Variants in CTNNA2 observed in about 807,000 individuals in gnomAD.
The protein encoded by CTNNA2 is catenin alpha 2, also known as catenin alpha-2.
A neutral mutation model predicts 101.0 loss-of-function variants in CTNNA2; 42 were observed. The ratio of observed to expected loss-of-function variants is 0.42; its 90% CI spans 0.32 to 0.54. The LOEUF is 0.54. CTNNA2 is among the 20% of genes least tolerant of loss of function. The pLI, the probability that CTNNA2 is intolerant of heterozygous loss-of-function variation, is 0.14. For missense variants in CTNNA2, 871 were observed against 1,223.1 expected, an observed-to-expected ratio of 0.71 and a Z score of 4.29; for synonymous variants, 450 against 456.4, an observed-to-expected ratio of 0.99 and a Z score of 0.18.
At chr2:79,608,123 G>A (rs957645640) in intron 1 of CTNNA2, among the ~76,000 whole-genome samples, 2 of 151,956 alleles carry the variant, frequency 1.3e-5, no homozygotes, top group African/African-American at 4.8e-5. Flanking sequence ...AAGGATAATA[G>A]AATATTTTGA....
intron 7 of CTNNA2, among the ~76,000 whole-genome samples, chr2:80,008,072 G>A (rs1422176270): frequency 6.6e-6 from 1 of 152,138 alleles, no homozygotes; most frequent in African/African-American, 2.4e-5. Context: ...GGGGCTCTAT[G>A]ACCCAGATCT....
chr2:80,645,105 C>T (rs1673925429), intron 18 of CTNNA2, among the ~76,000 whole-genome samples: 1 of 152,174 alleles, frequency 6.6e-6, no homozygotes, highest in African/African-American at 2.4e-5. Flanking sequence ...TCTACTAATT[C>T]TGTTGCCCAA....
At chr2:80,594,419 C>G (rs1397260950) in intron 15 of CTNNA2, among the ~76,000 whole-genome samples, 1 of 151,950 alleles carries the variant, frequency 6.6e-6, no homozygotes, top group East Asian at 1.9e-4. Flanking sequence ...TTACAAATTC[C>G]TGATAAAGAA....
At chr2:79,527,108 G>A (rs954424715) in intron 1 of CTNNA2, among the ~76,000 whole-genome samples, 3 of 152,038 alleles carry the variant, frequency 2.0e-5, no homozygotes, top group African/African-American at 4.8e-5. Flanking sequence ...AATCATATCA[G>A]TAAGAATCTA....
At chr2:80,046,092 A>T (rs890614047) in intron 7 of CTNNA2, among the ~76,000 whole-genome samples, 3 of 152,172 alleles carry the variant, frequency 2.0e-5, no homozygotes, top group Non-Finnish European at 4.4e-5. Flanking sequence ...TTTCCTCTGC[A>T]TTCTTATTTC....
At chr2:79,384,305 T>C (rs566390394) in intron 4 of CTNNA2, among the ~76,000 whole-genome samples, 1 of 152,140 alleles carries the variant, frequency 6.6e-6, no homozygotes, top group South Asian at 2.1e-4. Context: ...CAGGAAAATT[T>C]GGTTTTCATT....
rs1374818695 is a variant in CTNNA2 at position 79,656,090 on chromosome 2, T to C, written c.102+4432T>C. On this transcript the variant is annotated intron_variant, in intron 2 of 18. Transcript: ENST00000402739. ...TATATTTCCTCCTAGTATTCCATAC[T>C]GATTTAAAAAAATTAAATATGTGAA... 5.3e-5 allele frequency among the ~76,000 whole-genome samples: 8 copies of C among 152,292 alleles called. No individual in the cohort carries two copies. The East Asian group carries it at 1.5e-3, about 29-fold the overall frequency.
intron 7 of CTNNA2, among the ~76,000 whole-genome samples, chr2:80,005,871 C>T (rs395047): frequency 0.62 from 94,439 of 151,702 alleles, 30,534 homozygotes; most frequent in East Asian, 0.76. Flanking sequence ...GAGTGTAATA[C>T]AATATTGAGA....
At chr2:80,092,421 T>C (rs1051100368) in intron 7 of CTNNA2, among the ~76,000 whole-genome samples, 1 of 152,108 alleles carries the variant, frequency 6.6e-6, no homozygotes, top group Non-Finnish European at 1.5e-5. Flanking sequence ...TCCCTGTATC[T>C]TGAAGCTTTC....
Position 79,544,083 on chromosome 2 carries a change from G to A in CTNNA2, c.-6+30876G>A, listed in dbSNP as rs371424327. Among the ~76,000 whole-genome samples, 208 of 152,146 alleles carry A rather than the reference G, an allele frequency of 1.4e-3. 3 individuals are homozygous for A. The South Asian group carries it at 0.028, about 20-fold the overall frequency. ...CTCCTGAGTAGCTGAGACTACAGGC[G>A]TGCGCCACCACACTGGGCTAATTTT... On this transcript the variant is annotated intron_variant, in intron 1 of 18. Coordinates refer to ENST00000402739, the MANE Select transcript of CTNNA2 (RefSeq NM_001282597.3).
At chr2:79,443,284 G>A (rs1210286130) in intron 4 of CTNNA2, among the ~76,000 whole-genome samples, 1 of 152,104 alleles carries the variant, frequency 6.6e-6, no homozygotes. Flanking sequence ...GGGAGTCTAT[G>A]GTGTGAGTCC....
At chr2:79,948,127 T>C (rs1434104) in intron 7 of CTNNA2, among the ~76,000 whole-genome samples, 76,425 of 151,742 alleles carry the variant, frequency 0.5, 19,818 homozygotes, top group Middle Eastern at 0.58. Flanking sequence ...AGAGGACTTA[T>C]AGTTATTTCC....
At chr2:79,350,749 CACAA>C (rs1451638057) in intron 3 of CTNNA2, among the ~76,000 whole-genome samples, 1 of 152,188 alleles carries the variant, frequency 6.6e-6, no homozygotes. Flanking sequence ...TTTACATTCT[CACAA>C]ACAGTGTATA....
intron 1 of CTNNA2, among the ~76,000 whole-genome samples, chr2:79,519,303 C>A (rs955154468): frequency 6.6e-6 from 1 of 150,940 alleles, no homozygotes; most frequent in Admixed American, 6.6e-5. Context: ...TGCACTTATG[C>A]CTTTCATGTA....
chr2:80,155,174 G>T (rs1441851248), intron 7 of CTNNA2, among the ~76,000 whole-genome samples: 1 of 152,166 alleles, frequency 6.6e-6, no homozygotes, highest in Non-Finnish European at 1.5e-5. Context: ...AATGTGATTA[G>T]AAAAGAAACA....
At chr2:79,700,557 C>T (rs1684936430) in intron 2 of CTNNA2, among the ~76,000 whole-genome samples, 1 of 152,086 alleles carries the variant, frequency 6.6e-6, no homozygotes, top group South Asian at 2.1e-4. Context: ...CCTGCCTGCC[C>T]TCCTTAGAAT....
intron 7 of CTNNA2, among the ~76,000 whole-genome samples, chr2:80,166,972 G>C (rs925310993): frequency 2.0e-5 from 3 of 151,956 alleles, no homozygotes; most frequent in African/African-American, 7.2e-5. Context: ...AAACCCAGGG[G>C]ACTCACCACT....
intron 3 of CTNNA2, among the ~76,000 whole-genome samples, chr2:79,782,141 A>C: frequency 6.6e-6 from 1 of 152,290 alleles, no homozygotes; most frequent in East Asian, 1.9e-4. Flanking sequence ...TATTTACAAT[A>C]ATTATGTTTA....
chr2:80,129,751 T>C (rs1396752127), intron 7 of CTNNA2, among the ~76,000 whole-genome samples: 1 of 152,168 alleles, frequency 6.6e-6, no homozygotes, highest in Non-Finnish European at 1.5e-5. Context: ...ATAAATCACT[T>C]GTTCTGATCC....
Sources: gnomAD v4.1 joint callset for allele counts (sites outside exome capture counted in the v4.1 genomes callset) on GRCh38, gnomAD v4.1.1 for gene constraint, MANE v1.5 for transcripts, NCBI Gene and HGNC (gene_info 2026-07-23, HGNC 2026-07-21) for gene names.